Variants in ADAMTSL1 observed in about 807,000 individuals in gnomAD.
ADAMTSL1 encodes the protein ADAMTS like 1, also known as ADAMTS-like protein 1.
ADAMTSL1 carries 126 observed loss-of-function variants against 201.8 expected under a neutral mutation model. The ratio of observed to expected loss-of-function variants is 0.62; its 90% confidence interval spans 0.54 to 0.72. The LOEUF (loss-of-function observed/expected upper bound fraction) is 0.72, where lower values mean the gene tolerates loss of function less well. ADAMTSL1 is among the 30% of genes least tolerant of loss of function. The probability of loss-of-function intolerance (pLI) is 0.00; values close to 1 mark genes in which losing one functional copy is unlikely to be tolerated. For synonymous variants in ADAMTSL1, 1,121 were observed against 903.4 expected (o/e 1.24, Z -4.32); for missense variants, 2,679 against 2,277.8 (o/e 1.18, Z -3.59).
chr9:18,653,390 G>A (rs748247987), intron 7 of ADAMTSL1, among the ~76,000 whole-genome samples: 2 of 152,066 alleles, frequency 1.3e-5, no homozygotes, highest in Admixed American at 6.6e-5. Flanking sequence ...CACCTTCTTC[G>A]TTCTTTAGAC....
intron 1 of ADAMTSL1, among the ~76,000 whole-genome samples, chr9:17,972,661 T>C (rs1818260696): frequency 2.6e-5 from 4 of 151,756 alleles, no homozygotes; most frequent in Admixed American, 2.6e-4. Flanking sequence ...TGATTTATAG[T>C]CCTTTGGGTA....
chr9:18,514,490 C>A (rs1413826937), intron 2 of ADAMTSL1, among the ~76,000 whole-genome samples: 2 of 151,874 alleles, frequency 1.3e-5, no homozygotes, highest in Admixed American at 6.6e-5. Flanking sequence ...CCACCATGCC[C>A]GGCTACTTTT....
intron 2 of ADAMTSL1, among the ~76,000 whole-genome samples, chr9:18,210,490 T>C (rs1829827977): frequency 6.8e-6 from 1 of 147,294 alleles, no homozygotes; most frequent in Non-Finnish European, 1.5e-5. Context: ...TAAATAAATA[T>C]ATATTAATTA....
At chr9:18,582,475 G>T (rs1823162711) in intron 4 of ADAMTSL1, among the ~76,000 whole-genome samples, 1 of 152,112 alleles carries the variant, frequency 6.6e-6, no homozygotes, top group African/African-American at 2.4e-5. Flanking sequence ...GGTGGGAGGC[G>T]ATTGAATTAT....
chr9:18,295,705 C>T (rs911158659), intron 2 of ADAMTSL1, among the ~76,000 whole-genome samples: 11 of 152,072 alleles, frequency 7.2e-5, no homozygotes, highest in African/African-American at 2.7e-4. Context: ...TTCATCCTGC[C>T]CAGGAATATG....
At chr9:18,291,739 TCTCTCTCTCACACACACACA>T (rs1563863889) in intron 2 of ADAMTSL1, among the ~76,000 whole-genome samples, 11 of 123,494 alleles carry the variant, frequency 8.9e-5, no homozygotes, top group Non-Finnish European at 1.8e-4. Context: ...TCTCTCTCTC[TCTCTCTCTCACACACACACA>T]CACACACACA....
chr9:18,168,553 CTT>C (rs1420565381), intron 2 of ADAMTSL1, among the ~76,000 whole-genome samples: 5 of 151,590 alleles, frequency 3.3e-5, no homozygotes, highest in Non-Finnish European at 7.4e-5. Context: ...GGTTCCAAGT[CTT>C]TGCTATTGTG....
chr9:18,627,521 G>T (rs138908587), intron 5 of ADAMTSL1, among the ~76,000 whole-genome samples: 241 of 152,302 alleles, frequency 1.6e-3, no homozygotes, highest in African/African-American at 5.6e-3. Flanking sequence ...CAAGGTGTTT[G>T]CAGAACACAG....
chr9:18,127,378 G>A (rs946272462), intron 1 of ADAMTSL1, among the ~76,000 whole-genome samples: 29 of 152,158 alleles, frequency 1.9e-4, no homozygotes, highest in Admixed American at 1.2e-3. Context: ...GTGGGCATAC[G>A]TGAATGGAGT....
chr9:17,969,593 T>C (rs151127660), intron 1 of ADAMTSL1, among the ~76,000 whole-genome samples: 98 of 152,222 alleles, frequency 6.4e-4, no homozygotes, highest in Admixed American at 2.9e-3. Context: ...TGCTGAGTTG[T>C]ACATTCTGTT....
chr9:18,253,249 G>A (rs980006005), intron 2 of ADAMTSL1, among the ~76,000 whole-genome samples: 1 of 152,146 alleles, frequency 6.6e-6, no homozygotes, highest in Non-Finnish European at 1.5e-5. Context: ...AGTGGTAGAA[G>A]GATGAACATC....
At chr9:18,109,997 G>A (rs975865701) in intron 1 of ADAMTSL1, among the ~76,000 whole-genome samples, 1 of 152,168 alleles carries the variant, frequency 6.6e-6, no homozygotes, top group Non-Finnish European at 1.5e-5. Context: ...AAGAGAAAGA[G>A]GAACACAGGC....
intron 2 of ADAMTSL1, among the ~76,000 whole-genome samples, chr9:18,220,711 ATCCTCTTTTTCT>A (rs1830224215): frequency 1.3e-5 from 2 of 150,828 alleles, no homozygotes; most frequent in South Asian, 4.2e-4. Flanking sequence ...CAATTTCCTC[ATCCTCTTTTTCT>A]TGCTAATGGT....
chr9:18,235,260 T>G (rs1830802293), intron 2 of ADAMTSL1, among the ~76,000 whole-genome samples: 1 of 152,206 alleles, frequency 6.6e-6, no homozygotes, highest in Admixed American at 6.5e-5. Context: ...TGTCTGAAAT[T>G]GGGATTTGTC....
intron 2 of ADAMTSL1, among the ~76,000 whole-genome samples, chr9:18,340,977 C>T (rs769828705): frequency 1.4e-4 from 22 of 152,080 alleles, no homozygotes; most frequent in Non-Finnish European, 2.5e-4. Flanking sequence ...TGTCATTAGC[C>T]TAGACCATTA....
chr9:18,774,321 C>T (rs1435327660), intron 17 of ADAMTSL1, among the ~76,000 whole-genome samples: 3 of 152,122 alleles, frequency 2.0e-5, no homozygotes, highest in Non-Finnish European at 2.9e-5. Flanking sequence ...AATTAAAGGT[C>T]TCCAAACTAA....
intron 2 of ADAMTSL1, among the ~76,000 whole-genome samples, chr9:18,434,726 G>T (rs999252620): frequency 6.6e-6 from 1 of 152,082 alleles, no homozygotes. Flanking sequence ...CACTCAAATG[G>T]CTCCTACAGT....
At chr9:18,804,085 C>T (rs1822960546) in intron 20 of ADAMTSL1, among the ~76,000 whole-genome samples, 2 of 152,170 alleles carry the variant, frequency 1.3e-5, no homozygotes, top group South Asian at 4.1e-4. Flanking sequence ...TAAATAGCTG[C>T]TCTCTTGGGT....
chr9:18,574,554 T>A, intron 4 of ADAMTSL1: 1 of 547,458 alleles, frequency 1.8e-6, no homozygotes, highest in Non-Finnish European at 3.2e-6. Flanking sequence ...GACTTTGAAA[T>A]TATCCCCTGG....
Sources: allele counts gnomAD v4.1 joint callset (sites outside exome capture counted in the v4.1 genomes callset), GRCh38; gene constraint gnomAD v4.1.1; transcripts MANE v1.5; gene names NCBI Gene and HGNC (gene_info 2026-07-23, HGNC 2026-07-21).